The following HERPUD2 variants were observed in gnomAD, a reference collection of about 807,000 sequenced individuals.
The protein encoded by HERPUD2 is HERPUD family member 2, also known as homocysteine-responsive endoplasmic reticulum-resident ubiquitin-like domain member 2 protein.
A neutral mutation model predicts 49.9 loss-of-function variants in HERPUD2; 13 were observed. The observed-to-expected ratio is 0.26, with a 90% CI of 0.17 to 0.41. The LOEUF (loss-of-function observed/expected upper bound fraction) is 0.41, where lower values mean the gene tolerates loss of function less well. Ranked by LOEUF, HERPUD2 falls within the 10% of genes least tolerant of loss-of-function variation. HERPUD2 has a pLI of 1.00. For missense variants in HERPUD2, 449 were observed against 492.2 expected, an observed-to-expected ratio of 0.91 and a Z score of 0.83; for synonymous variants, 172 against 171.4, an observed-to-expected ratio of 1.00 and a Z score of -0.03.
chr7:35,684,722 C>T (rs1173943314), intron 2 of HERPUD2, among the ~76,000 whole-genome samples: 1 of 152,032 alleles, frequency 6.6e-6, no homozygotes, highest in Non-Finnish European at 1.5e-5. Context: ...AAGAATGACA[C>T]GATGGACTTT....
chr7:35,676,191 A>T (rs1462754530), intron 2 of HERPUD2, among the ~76,000 whole-genome samples: 2 of 152,202 alleles, frequency 1.3e-5, no homozygotes, highest in East Asian at 1.9e-4. Context: ...TTCTATTTTT[A>T]AAAAATTTTT....
At chr7:35,681,368 T>C (rs1050829304) in intron 2 of HERPUD2, among the ~76,000 whole-genome samples, 5 of 152,110 alleles carry the variant, frequency 3.3e-5, no homozygotes, top group Admixed American at 2.6e-4. Flanking sequence ...CTGGTAGGAA[T>C]GTAAATGGGT....
chr7:35,661,626 CTT>C (rs1403944282), intron 5 of HERPUD2, among the ~76,000 whole-genome samples: 4 of 152,166 alleles, frequency 2.6e-5, no homozygotes, highest in African/African-American at 7.2e-5. Context: ...ATTTTATTCT[CTT>C]TGAAGCAATT....
chr7:35,668,955 AAATTAAGGTG>A (rs1246097068), intron 4 of HERPUD2, among the ~76,000 whole-genome samples: 1 of 152,170 alleles, frequency 6.6e-6, no homozygotes, highest in Admixed American at 6.5e-5. Context: ...GAACCATGAA[AAATTAAGGTG>A]AATTCAACTT....
At chr7:35,676,246 C>A (rs1785760283) in intron 2 of HERPUD2, among the ~76,000 whole-genome samples, 2 of 152,136 alleles carry the variant, frequency 1.3e-5, no homozygotes, top group South Asian at 4.1e-4. Context: ...TAGAACTTTC[C>A]AGTCTGATTA....
chr7:35,664,400 G>A (rs1785494922), intron 5 of HERPUD2, among the ~76,000 whole-genome samples: 1 of 152,106 alleles, frequency 6.6e-6, no homozygotes, highest in African/African-American at 2.4e-5. Flanking sequence ...GTATCTTTGT[G>A]GTGTTCTCTG....
chr7:35,667,080 T>C (rs1368693376), intron 5 of HERPUD2, among the ~76,000 whole-genome samples: 1 of 152,200 alleles, frequency 6.6e-6, no homozygotes, highest in Non-Finnish European at 1.5e-5. Context: ...ATCCTTGCTA[T>C]TCAAAGTGTA....
chr7:35,693,925 C>T (rs1245888846), intron 2 of HERPUD2, among the ~76,000 whole-genome samples: 1 of 152,074 alleles, frequency 6.6e-6, no homozygotes, highest in Non-Finnish European at 1.5e-5. Flanking sequence ...TGTGAGCCAC[C>T]GCGCCCGGTC....
rs34474837 is a variant in HERPUD2, at chr7:35,678,239, TAA to T, written c.148-4963_148-4962del. ...TGCAATGACTGTCACTTCACATTAT[TAA>T]AAAAAAAAAAACAAAGTTCCAATTC... On this transcript the variant is annotated intron_variant, in intron 2 of 8. Coordinates refer to ENST00000311350, the MANE Select transcript of HERPUD2 (RefSeq NM_022373.5). Among the ~76,000 whole-genome samples, 1,230 of 145,482 alleles carry T rather than the reference TAA, an allele frequency of 8.5e-3. 13 individuals carry two copies. The highest frequency in any genetic ancestry group is 0.021 in the African/African-American group (811 of 39,520).
chr7:35,683,984 A>G (rs1220328259), intron 2 of HERPUD2, among the ~76,000 whole-genome samples: 3 of 152,252 alleles, frequency 2.0e-5, no homozygotes, highest in Non-Finnish European at 4.4e-5. Flanking sequence ...TACAACCGTT[A>G]TGGAAAACAG....
chr7:35,635,733 CCT>C (rs1284095019), intron 6 of HERPUD2, among the ~76,000 whole-genome samples: 5 of 152,102 alleles, frequency 3.3e-5, no homozygotes, highest in Admixed American at 6.6e-5. Flanking sequence ...GTTAACCACT[CCT>C]CTCTCTTTCA....
At chr7:35,682,925 C>T (rs910007306) in intron 2 of HERPUD2, among the ~76,000 whole-genome samples, 3 of 151,376 alleles carry the variant, frequency 2.0e-5, no homozygotes, top group Non-Finnish European at 4.4e-5. Context: ...TCATAGACAA[C>T]ACAAACAAAC....
chr7:35,664,720 T>G (rs1785501169), intron 5 of HERPUD2, among the ~76,000 whole-genome samples: 1 of 152,224 alleles, frequency 6.6e-6, no homozygotes, highest in South Asian at 2.1e-4. Context: ...GTAGTTCTTG[T>G]GCCATGGTTT....
intron 5 of HERPUD2, among the ~76,000 whole-genome samples, chr7:35,657,585 C>G (rs561394050): frequency 6.9e-4 from 76 of 110,052 alleles, no homozygotes; most frequent in Non-Finnish European, 5.1e-4. Flanking sequence ...GCCTGGGCAA[C>G]AGAGCAAGAC....
Position 35,682,232 on chromosome 7 carries a change from G to T in HERPUD2, c.148-8954C>A, listed in dbSNP as rs551743393. Among the ~76,000 whole-genome samples the T allele has an allele frequency of 3.3e-3, 400 of 120,210 alleles. 6 individuals are homozygous for T. The highest frequency in any genetic ancestry group is 0.013 in the African/African-American group (376 of 28,736). 78.9% of individuals were successfully genotyped at this position (120,210 alleles called of 152,430 possible). A position where few individuals can be genotyped will look rare whatever the true frequency, so the allele number is the denominator to read the frequency against. On this transcript the variant is annotated intron_variant, in intron 2 of 8. Coordinates refer to ENST00000311350, the MANE Select transcript of HERPUD2 (RefSeq NM_022373.5). ...TTTTGTGTGTGTGTGTGTATATATAGATATATACACATACACACGTGTGTG... is the reference window on the plus strand; with the variant it reads ...TTTTGTGTGTGTGTGTGTATATATATATATATACACATACACACGTGTGTG...
At chr7:35,678,559 C>G (rs1785814712) in intron 2 of HERPUD2, among the ~76,000 whole-genome samples, 1 of 152,156 alleles carries the variant, frequency 6.6e-6, no homozygotes, top group Non-Finnish European at 1.5e-5. Context: ...CCTCAGCCCC[C>G]TAAAGCGCTG....
intron 5 of HERPUD2, among the ~76,000 whole-genome samples, chr7:35,644,880 C>A (rs936160703): frequency 6.6e-6 from 1 of 152,052 alleles, no homozygotes; most frequent in African/African-American, 2.4e-5. Context: ...AAACTGAACA[C>A]AAAGTGAATA....
At chr7:35,680,425 A>C (rs1350256041) in intron 2 of HERPUD2, among the ~76,000 whole-genome samples, 1 of 152,118 alleles carries the variant, frequency 6.6e-6, no homozygotes, top group African/African-American at 2.4e-5. Flanking sequence ...ACCAAAAAAC[A>C]AAAACAACAA....
chr7:35,638,563 G>T, intron 5 of HERPUD2, 91 bp from the exon 6 acceptor site: 1 of 1,218,838 alleles, frequency 8.2e-7, no homozygotes, highest in Non-Finnish European at 1.1e-6. Context: ...GTCAACCATT[G>T]ACAGAATATA....
Sources: gnomAD v4.1 joint callset for allele counts (sites outside exome capture counted in the v4.1 genomes callset) on GRCh38, gnomAD v4.1.1 for gene constraint, MANE v1.5 for transcripts, NCBI Gene and HGNC (gene_info 2026-07-23, HGNC 2026-07-21) for gene names.